Variants in C1orf87 observed in about 807,000 individuals in gnomAD.
The protein encoded by C1orf87 is chromosome 1 open reading frame 87.
In C1orf87, 58 loss-of-function variants were observed where a neutral mutation model predicts 60.5. That is an observed-to-expected ratio of 0.96 (90% CI 0.78 to 1.19). The LOEUF (loss-of-function observed/expected upper bound fraction) is 1.19, where lower values mean the gene tolerates loss of function less well. C1orf87 is among the 50% of genes most tolerant of loss of function. C1orf87 has a pLI of 0.00. For missense variants in C1orf87, 673 were observed against 638.6 expected (o/e 1.05, Z -0.58); for synonymous variants, 236 against 227.4 (o/e 1.04, Z -0.34).
intron 11 of C1orf87, among the ~76,000 whole-genome samples, chr1:59,994,123 A>T (rs903713877): frequency 6.6e-6 from 1 of 152,196 alleles, no homozygotes; most frequent in Admixed American, 6.5e-5. Flanking sequence ...CTTTTATCTC[A>T]TTTGATCCGT....
At chr1:60,013,175 G>A (rs768575925) in intron 8 of C1orf87, among the ~76,000 whole-genome samples, 1 of 152,040 alleles carries the variant, frequency 6.6e-6, no homozygotes, top group Admixed American at 6.6e-5. Flanking sequence ...AGCTGTACCA[G>A]CTCTGCAAAG....
At chr1:60,060,207 C>T (rs1001113325) in intron 2 of C1orf87, among the ~76,000 whole-genome samples, 1 of 151,158 alleles carries the variant, frequency 6.6e-6, no homozygotes, top group Non-Finnish European at 1.5e-5. Context: ...TGAATCATTT[C>T]TTTATCAATG....
chr1:60,047,448 G>T, intron 3 of C1orf87, among the ~76,000 whole-genome samples: 1 of 152,044 alleles, frequency 6.6e-6, no homozygotes, highest in East Asian at 1.9e-4. Context: ...CCAGTCTTAG[G>T]AAGGCTTTGT....
Position 60,004,314 on chromosome 1 carries a change from T to G in C1orf87, c.1193-3158A>C, listed in dbSNP as rs570490127. ...AAGAAAAAAACCTACGTAAAATACC[T>G]AACACAGGGAAGATGCTCAATTCAA... On this transcript the variant is annotated intron_variant, in intron 9 of 11. Coordinates refer to ENST00000371201, the MANE Select transcript of C1orf87 (RefSeq NM_152377.3). Among the ~76,000 whole-genome samples the G allele has an allele frequency of 4.7e-4, 71 of 152,152 alleles. 1 individual carries two copies. In the South Asian group the frequency reaches 0.011, roughly 24 times the overall value.
intron 1 of C1orf87, among the ~76,000 whole-genome samples, chr1:60,073,484 G>A (rs1250893447): frequency 2.0e-5 from 3 of 152,136 alleles, no homozygotes; most frequent in Non-Finnish European, 4.4e-5. Context: ...CCAGTACTTG[G>A]GTCTGATGTC....
chr1:60,034,178 C>G (rs1645259035), intron 6 of C1orf87, among the ~76,000 whole-genome samples: 2 of 152,252 alleles, frequency 1.3e-5, no homozygotes, highest in South Asian at 4.2e-4. Context: ...TCTGAAAAAC[C>G]CAGAAATGTT....
At chr1:60,011,599 C>A (rs1645085452) in intron 8 of C1orf87, among the ~76,000 whole-genome samples, 1 of 152,012 alleles carries the variant, frequency 6.6e-6, no homozygotes, top group Non-Finnish European at 1.5e-5. Flanking sequence ...TGCTAGCAAC[C>A]AAACCTCAAC....
chr1:60,017,048 C>T (rs749960534), intron 8 of C1orf87, among the ~76,000 whole-genome samples: 7 of 152,172 alleles, frequency 4.6e-5, no homozygotes, highest in South Asian at 2.1e-4. Flanking sequence ...GCCTTATTGA[C>T]GAATTCATTT....
intron 11 of C1orf87, among the ~76,000 whole-genome samples, chr1:59,997,292 G>A (rs900312272): frequency 5.9e-5 from 9 of 152,128 alleles, no homozygotes; most frequent in African/African-American, 2.2e-4. Context: ...TTGCTAAGGA[G>A]TTTGGAGTTC....
At chr1:60,040,264 G>C in intron 4 of C1orf87, 84 bp from the exon 5 acceptor site, 1 of 1,510,166 alleles carries the variant, frequency 6.6e-7, no homozygotes, top group Non-Finnish European at 8.8e-7. Flanking sequence ...GCACACTGGG[G>C]CTGGTATCTG....
rs1170395265 is a variant in C1orf87 at position 60,064,998 on chromosome 1, A to G, written c.107+7539T>C. On this transcript the variant is annotated intron_variant, in intron 2 of 11. Coordinates refer to ENST00000371201, the MANE Select transcript of C1orf87 (RefSeq NM_152377.3). ...AAATATTTATTATAAAATACATATA[A>G]ATATTAAATATATATTAAATATATA... is the stretch of plus-strand genomic sequence containing the variant. Among the ~76,000 whole-genome samples the G allele has an allele frequency of 8.7e-3, 150 of 17,182 alleles. 5 individuals are homozygous for G. The highest frequency in any genetic ancestry group is 0.02 in the Non-Finnish European group (137 of 7,014). The allele number at this position is 17,182 out of a possible 152,430, so 11.3% of individuals were successfully genotyped here. A position where few individuals can be genotyped will look rare whatever the true frequency, so the allele number is the denominator to read the frequency against.
intron 8 of C1orf87, among the ~76,000 whole-genome samples, chr1:60,024,592 G>A (rs1285214464): frequency 2.0e-5 from 3 of 152,042 alleles, no homozygotes; most frequent in Non-Finnish European, 4.4e-5. Context: ...CGGCTCCCTG[G>A]GGATTTCTCA....
intron 7 of C1orf87, 119 bp downstream of exon 7, chr1:60,033,357 C>T: frequency 1.1e-6 from 1 of 922,378 alleles, no homozygotes; most frequent in Non-Finnish European, 1.6e-6. Context: ...AGAAAACAAA[C>T]AACTGTGTAA....
chr1:60,033,914 CTA>C (rs1355544728), intron 6 of C1orf87, among the ~76,000 whole-genome samples: 1 of 152,194 alleles, frequency 6.6e-6, no homozygotes, highest in African/African-American at 2.4e-5. Context: ...AATTCTTAAT[CTA>C]TCTTTGTAAC....
chr1:59,991,419 T>A (rs149453826), intron 11 of C1orf87, among the ~76,000 whole-genome samples: 1 of 152,224 alleles, frequency 6.6e-6, no homozygotes, highest in Non-Finnish European at 1.5e-5. Flanking sequence ...CATTCTCCCA[T>A]GTACTTTAAA....
intron 8 of C1orf87, 75 bp from the exon 9 acceptor site, chr1:60,010,531 A>G (rs1645076101): frequency 7.8e-7 from 1 of 1,277,388 alleles, no homozygotes; most frequent in East Asian, 2.3e-5. Context: ...AGCTCTGTTT[A>G]TATTGGTAGT....
chr1:60,028,007 G>A (rs898774881), intron 7 of C1orf87, among the ~76,000 whole-genome samples: 9 of 152,158 alleles, frequency 5.9e-5, no homozygotes, highest in Non-Finnish European at 1.0e-4. Context: ...TTGGCTAGCA[G>A]AGTATTGAAA....
chr1:60,060,107 T>C (rs1398370778), intron 2 of C1orf87, among the ~76,000 whole-genome samples: 3 of 150,624 alleles, frequency 2.0e-5, no homozygotes, highest in African/African-American at 7.3e-5. Flanking sequence ...TTTTTTTATG[T>C]CATGGAACCA....
At chr1:60,011,668 G>T (rs1257420438) in intron 8 of C1orf87, among the ~76,000 whole-genome samples, 1 of 152,088 alleles carries the variant, frequency 6.6e-6, no homozygotes, top group Non-Finnish European at 1.5e-5. Context: ...AAAATGAAGA[G>T]CAAGTTGGGA....
Sources: allele counts gnomAD v4.1 joint callset (sites outside exome capture counted in the v4.1 genomes callset), GRCh38; gene constraint gnomAD v4.1.1; transcripts MANE v1.5; gene names NCBI Gene and HGNC (gene_info 2026-07-23, HGNC 2026-07-21).